The following CROT variants were observed in gnomAD, a reference collection of about 807,000 sequenced individuals.
CROT encodes peroxisomal carnitine O-octanoyltransferase.
In CROT, 84 loss-of-function variants were observed where a neutral mutation model predicts 89.2. That is an observed-to-expected ratio of 0.94 (90% CI 0.79 to 1.13). The LOEUF (loss-of-function observed/expected upper bound fraction) is 1.13. Among genes scored for constraint, CROT ranks in the 50% most tolerant of loss-of-function variants. The probability of loss-of-function intolerance (pLI) is 0.00; values close to 1 mark genes in which losing one functional copy is unlikely to be tolerated. For synonymous variants in CROT, 212 were observed against 239.5 expected, an observed-to-expected ratio of 0.89 and a Z score of 1.06; for missense variants, 711 against 727.8, an observed-to-expected ratio of 0.98 and a Z score of 0.27.
intron 13 of CROT, among the ~76,000 whole-genome samples, chr7:87,389,578 AT>A (rs1807294093): frequency 6.6e-6 from 1 of 151,772 alleles, no homozygotes; most frequent in Non-Finnish European, 1.5e-5. Context: ...AACAATGAGA[AT>A]ACATGGACAC....
At chr7:87,351,105 G>A (rs1048036618) in intron 3 of CROT, among the ~76,000 whole-genome samples, 2 of 151,830 alleles carry the variant, frequency 1.3e-5, no homozygotes, top group African/African-American at 4.8e-5. Context: ...TCAGGAGATC[G>A]AGACCATCCT....
rs906566199 is a variant in CROT at position 87,397,316 on chromosome 7, A to T, written c.1719-1208A>T. On this transcript the variant is annotated intron_variant, in intron 17 of 17. Transcript: ENST00000331536. The stretch of plus-strand genomic sequence containing the variant: ...CAGTGAGCTGAGATCATGCCACTGC[A>T]CTCCAGTCTGGGCAACAGAGTGAGA... 7.3e-5 allele frequency among the ~76,000 whole-genome samples: 11 copies of T among 151,284 alleles called. No homozygotes were observed. In the South Asian group the frequency reaches 2.3e-3, roughly 32 times the overall value.
chr7:87,348,896 C>T (rs935524956), intron 2 of CROT, among the ~76,000 whole-genome samples, 152 bp from the exon 3 acceptor site: 4 of 152,200 alleles, frequency 2.6e-5, no homozygotes, highest in Non-Finnish European at 5.9e-5. Context: ...TTTTCTCTAT[C>T]TGACAGATTT....
At chr7:87,376,855 A>C (rs896391766) in intron 9 of CROT, among the ~76,000 whole-genome samples, 1 of 152,122 alleles carries the variant, frequency 6.6e-6, no homozygotes, top group African/African-American at 2.4e-5. Flanking sequence ...TGATATTTCC[A>C]GTCTATTTTA....
Position 87,382,518 on chromosome 7 carries a change from C to T in CROT, c.1276C>T (p.Leu426=). 1.2e-6 allele frequency: 2 copies of T among 1,613,902 alleles called. No individual in the cohort carries two copies. The highest frequency in any genetic ancestry group is 1.7e-6 in the Non-Finnish European group (2 of 1,179,848). Residue 426 remains leucine, a synonymous_variant, in exon 13 of 18, where the codon CTG becomes TTG. Transcript: ENST00000331536. ...PDTFIQLALQ[L]AYYRLHGHPG... is the part of the protein sequence containing the mutation. Reference sequence around the variant, plus strand: ...TACGTTTATTCAGCTTGCACTTCAGCTGGCCTATTACAGACTTCATGGACA... The same window carrying T: ...TACGTTTATTCAGCTTGCACTTCAGTTGGCCTATTACAGACTTCATGGACA...
Position 87,377,336 on chromosome 7 carries a change from A to C in CROT, c.877-13A>C. 1 of 1,540,668 alleles carries C rather than the reference A, an allele frequency of 6.5e-7. No individual in the cohort carries two copies. ...TAAACCCTTTTAATTTGGAAAAATT[A>C]AATTTATTTTAGATTATTGCAGCCA... On this transcript the variant is annotated splice_polypyrimidine_tract_variant and intron_variant, in intron 9 of 17. Coordinates refer to ENST00000331536, the MANE Select transcript of CROT (RefSeq NM_021151.4).
intron 10 of CROT, among the ~76,000 whole-genome samples, chr7:87,379,116 T>C (rs1806907171): frequency 6.6e-6 from 1 of 152,192 alleles, no homozygotes; most frequent in South Asian, 2.1e-4. Context: ...AACTACCCTT[T>C]GTAAGGTGGT....
At chr7:87,383,202 G>T (rs1468703113) in intron 13 of CROT, among the ~76,000 whole-genome samples, 2 of 152,000 alleles carry the variant, frequency 1.3e-5, no homozygotes, top group African/African-American at 4.8e-5. Flanking sequence ...TCGAACACTA[G>T]AAGTTATTCC....
chr7:87,353,290 G>T (rs889164633), intron 3 of CROT, among the ~76,000 whole-genome samples: 3 of 152,096 alleles, frequency 2.0e-5, no homozygotes, highest in Non-Finnish European at 2.9e-5. Flanking sequence ...TGGGATTACA[G>T]TCATGCACCA....
In CROT at chr7:87,357,547, T is replaced by C. The variant is rs75642989; in HGVS notation, c.116-1659T>C. ...ACCAGATAAGGGGTCTTGATCCAGA[T>C]GCTAAGAGAGGGTTCTTGGATCTCA... On this transcript the variant is annotated intron_variant, in intron 3 of 17. Transcript: ENST00000331536. 3,795 of 1,485,786 alleles carry C rather than the reference T, an allele frequency of 2.6e-3. 79 individuals are homozygous for C. In the African/African-American group the frequency reaches 0.044, roughly 17 times the overall value. 92.0% of individuals were successfully genotyped at this position (1,485,786 alleles called of 1,614,324 possible).
At chr7:87,369,569 G>A in intron 7 of CROT, 85 bp downstream of exon 7, 1 of 699,072 alleles carries the variant, frequency 1.4e-6, no homozygotes, top group Non-Finnish European at 2.2e-6. Flanking sequence ...GCCTTTCAAG[G>A]TGATAGTAAG....
chr7:87,391,531 G>A, intron 13 of CROT, 58 bp from the exon 14 acceptor site: 1 of 1,506,834 alleles, frequency 6.6e-7, no homozygotes, highest in Non-Finnish European at 8.9e-7. Flanking sequence ...AACTATATCT[G>A]TAATGATATT....
chr7:87,379,215 C>CT (rs1039431837), intron 10 of CROT, among the ~76,000 whole-genome samples: 1 of 152,208 alleles, frequency 6.6e-6, no homozygotes, highest in Non-Finnish European at 1.5e-5. Context: ...GACACTGCCT[C>CT]TTTCCTCTTA....
chr7:87,387,462 C>CTT (rs373822350), intron 13 of CROT, among the ~76,000 whole-genome samples: 1 of 145,132 alleles, frequency 6.9e-6, no homozygotes. Context: ...ATGAGCTATA[C>CTT]TTTTTTTTTT....
At chr7:87,389,643 G>T (rs890245425) in intron 13 of CROT, among the ~76,000 whole-genome samples, 3 of 152,046 alleles carry the variant, frequency 2.0e-5, no homozygotes, top group African/African-American at 7.2e-5. Context: ...GCTAGGGGAG[G>T]GATAGCATTA....
chr7:87,358,168 C>T (rs965183541), intron 3 of CROT, among the ~76,000 whole-genome samples: 2 of 151,964 alleles, frequency 1.3e-5, no homozygotes, highest in African/African-American at 4.8e-5. Context: ...GTGGTGCTGA[C>T]CCATGTGTAT....
intron 10 of CROT, among the ~76,000 whole-genome samples, chr7:87,380,824 T>C (rs1176150965): frequency 6.6e-6 from 1 of 152,218 alleles, no homozygotes; most frequent in East Asian, 1.9e-4. Flanking sequence ...TATTTGATAA[T>C]ATCTGAAAAT....
chr7:87,388,989 A>C (rs905340637), intron 13 of CROT, among the ~76,000 whole-genome samples: 1 of 152,230 alleles, frequency 6.6e-6, no homozygotes, highest in Admixed American at 6.5e-5. Flanking sequence ...TCTCAAAAGA[A>C]GACATTTATG....
At chr7:87,347,361 C>T (rs1161073890) in intron 2 of CROT, among the ~76,000 whole-genome samples, 4 of 152,184 alleles carry the variant, frequency 2.6e-5, no homozygotes, top group East Asian at 1.9e-4. Flanking sequence ...TGTGCTTTCA[C>T]AGGCATTGAA....
Sources: gnomAD v4.1 joint callset for allele counts (sites outside exome capture counted in the v4.1 genomes callset) on GRCh38, gnomAD v4.1.1 for gene constraint, MANE v1.5 for transcripts, NCBI Gene and HGNC (gene_info 2026-07-23, HGNC 2026-07-21) for gene names.